TTC7B: variants seen among roughly 807,000 people sequenced by gnomAD.
The protein encoded by TTC7B is tetratricopeptide repeat domain 7B, also known as tetratricopeptide repeat protein 7B.
Under a neutral mutation model 106.8 loss-of-function variants are expected in TTC7B, and 28 were observed. The ratio of observed to expected loss-of-function variants is 0.26; its 90% CI spans 0.19 to 0.36. The LOEUF (loss-of-function observed/expected upper bound fraction) is 0.36. Ranked by LOEUF, TTC7B falls within the 10% of genes least tolerant of loss-of-function variation. The pLI, the probability that TTC7B is intolerant of heterozygous loss-of-function variation, is 1.00. For missense variants in TTC7B, 862 were observed against 1,076.4 expected (o/e 0.80, Z 2.79); for synonymous variants, 405 against 430.6 (o/e 0.94, Z 0.74).
intron 3 of TTC7B, among the ~76,000 whole-genome samples, chr14:90,779,495 G>C (rs1049919306): frequency 6.6e-6 from 1 of 152,120 alleles, no homozygotes; most frequent in African/African-American, 2.4e-5. Flanking sequence ...AGTAGAGACA[G>C]GGTTTCACCA....
In TTC7B at chr14:90,689,594, G is replaced by C; in HGVS notation, c.896C>G (p.Ala299Gly). 1 of 1,614,096 alleles carries C rather than the reference G, an allele frequency of 6.2e-7. No individual in the cohort carries two copies. The highest frequency in any genetic ancestry group is 2.2e-5 in the East Asian group (1 of 44,870). Reference protein sequence around the residue: ...SPLDDPLRKGANTKTYTLTRR... With the variant: ...SPLDDPLRKGGNTKTYTLTRR... ...AGTGAGAGTGTAGGTTTTTGTGTTT[G>C]CTCCTTTGCGGAGAGGATCGTCCAG... is the stretch of plus-strand genomic sequence containing the variant. The change falls in exon 7 of 20, where the codon GCA becomes GGA. Residue 299 changes from alanine (A) to glycine (G), a missense_variant. By Grantham distance (60) the Ala-to-Gly change is moderately conservative (BLOSUM62 0). Transcript: ENST00000328459.
At chr14:90,546,044 C>T (rs1889817328) in intron 19 of TTC7B, among the ~76,000 whole-genome samples, 1 of 152,238 alleles carries the variant, frequency 6.6e-6, no homozygotes, top group African/African-American at 2.4e-5. Flanking sequence ...GCTGCCAGCT[C>T]AGGCTTGGCA....
At chr14:90,716,459 A>G (rs1305170230) in intron 5 of TTC7B, among the ~76,000 whole-genome samples, 1 of 152,246 alleles carries the variant, frequency 6.6e-6, no homozygotes, top group Non-Finnish European at 1.5e-5. Context: ...TGGCCAAGCA[A>G]GGAATCTTTG....
At chr14:90,728,063 T>C (rs188814209) in intron 5 of TTC7B, among the ~76,000 whole-genome samples, 469 of 152,256 alleles carry the variant, frequency 3.1e-3, no homozygotes, top group South Asian at 5.2e-3. Context: ...CCAACGGTTT[T>C]TCTCCTTGGG....
intron 16 of TTC7B, among the ~76,000 whole-genome samples, chr14:90,615,331 G>A (rs114199681): frequency 0.016 from 2,398 of 152,312 alleles, 66 homozygotes; most frequent in African/African-American, 0.055. Context: ...AGCCTGGGGT[G>A]GATCTGGAAG....
At chr14:90,616,772 C>T (rs1018633830) in intron 16 of TTC7B, among the ~76,000 whole-genome samples, 33 of 152,302 alleles carry the variant, frequency 2.2e-4, no homozygotes, top group African/African-American at 7.2e-4. Flanking sequence ...GCCCTCCCTC[C>T]CTGCTGGTCT....
At chr14:90,609,505 A>T (rs776092105) in intron 17 of TTC7B, among the ~76,000 whole-genome samples, 1 of 152,152 alleles carries the variant, frequency 6.6e-6, no homozygotes, top group Non-Finnish European at 1.5e-5. Flanking sequence ...GCCCACCTGG[A>T]TAGGTTTTTC....
intron 1 of TTC7B, among the ~76,000 whole-genome samples, chr14:90,789,917 T>C (rs918335321): frequency 2.0e-5 from 3 of 150,880 alleles, no homozygotes; most frequent in Admixed American, 6.6e-5. Flanking sequence ...AAAAAAATAC[T>C]ATCAGGTCAA....
At position 90,802,335 on chromosome 14, in the gene TTC7B, C is replaced by T. The variant is rs984201302; in HGVS notation, c.121+13840G>A. ...TCTAGGGTGCCTGTGCCCGTGCCTG[C>T]AGAAGGGAAGGGTCAGGAGAGAAGT... is the stretch of plus-strand genomic sequence containing the variant. On this transcript the variant is annotated intron_variant, in intron 1 of 19. Transcript: ENST00000328459. The surrounding 1 kb of genome is among the most constrained non-coding windows in gnomAD (Gnocchi z 4.7). Among the ~76,000 whole-genome samples the T allele has an allele frequency of 3.1e-4, 47 of 152,142 alleles. No individual in the cohort carries two copies. Among genetic ancestry groups the T allele is most frequent in the African/African-American group, 1.0e-3 (43 of 41,506 alleles).
intron 3 of TTC7B, among the ~76,000 whole-genome samples, chr14:90,745,566 T>C (rs1889935594): frequency 6.6e-6 from 1 of 152,214 alleles, no homozygotes; most frequent in Non-Finnish European, 1.5e-5. Flanking sequence ...CTTTTAGTTT[T>C]TAAATGTGGT....
In TTC7B at chr14:90,644,151, T is replaced by A; in HGVS notation, c.1648A>T (p.Asn550Tyr). The A allele has an allele frequency of 1.2e-6, 2 of 1,613,692 alleles. No homozygotes were observed. The highest frequency in any genetic ancestry group is 1.7e-6 in the Non-Finnish European group (2 of 1,179,862). Residue 550 changes from asparagine to tyrosine, a missense_variant, in exon 15 of 20, where the codon AAC becomes TAC. Asn to Tyr is a moderately radical substitution (Grantham distance 143, BLOSUM62 -2). Coordinates refer to ENST00000328459, the MANE Select transcript of TTC7B (RefSeq NM_001010854.2). ...QALQLQGDDA[N>Y]SLHLLALLLS... The stretch of plus-strand genomic sequence containing the variant: ...AGGAGGGCAAGGAGGTGCAGGGAGT[T>A]GGCATCGTCACCTTGAAGCTGAAGA...
intron 18 of TTC7B, among the ~76,000 whole-genome samples, chr14:90,584,960 G>A: frequency 6.6e-6 from 1 of 152,110 alleles, no homozygotes; most frequent in East Asian, 1.9e-4. Context: ...AGCCCTCAAG[G>A]CCTAGAGAGG....
Position 90,621,741 on chromosome 14 carries a change from T to C in TTC7B, c.1752-3696A>G, listed in dbSNP as rs181188963. 6.6e-5 allele frequency among the ~76,000 whole-genome samples: 10 copies of C among 152,332 alleles called. No individual in the cohort carries two copies. The East Asian group carries it at 1.7e-3, about 27-fold the overall frequency. On this transcript the variant is annotated intron_variant, in intron 15 of 19. Transcript: ENST00000328459. ...AGGAACAGAGCGTGCTGCCTTTCCA[T>C]CATTTCCTCAAACCTCAGCTTGTTT...
chr14:90,606,457 C>T (rs908183812), intron 17 of TTC7B, among the ~76,000 whole-genome samples: 4 of 152,150 alleles, frequency 2.6e-5, no homozygotes, highest in Admixed American at 6.5e-5. Flanking sequence ...TTGTTGATAT[C>T]TATCAATTAT....
intron 9 of TTC7B, among the ~76,000 whole-genome samples, chr14:90,673,685 A>G (rs1211051596): frequency 6.6e-6 from 1 of 152,248 alleles, no homozygotes; most frequent in Non-Finnish European, 1.5e-5. Context: ...AGGTAGAAAC[A>G]ACCCACATTT....
intron 5 of TTC7B, among the ~76,000 whole-genome samples, chr14:90,702,364 G>A (rs1199085419): frequency 6.6e-6 from 1 of 151,974 alleles, no homozygotes; most frequent in Non-Finnish European, 1.5e-5. Context: ...CCACCTCATT[G>A]AGTAACTGTA....
intron 1 of TTC7B, 62 bp downstream of exon 1, chr14:90,816,113 G>A: frequency 4.0e-6 from 4 of 990,616 alleles, no homozygotes; most frequent in Non-Finnish European, 4.8e-6. Context: ...GCGCCTCGGG[G>A]GCCCGTTCCC....
At chr14:90,603,416 T>A in intron 17 of TTC7B, 2 of 626,686 alleles carry the variant, frequency 3.2e-6, no homozygotes, top group Admixed American at 3.0e-5. Context: ...ACTGTAAGTC[T>A]GGCTGTCTAG....
intron 19 of TTC7B, among the ~76,000 whole-genome samples, chr14:90,555,437 C>T (rs1039567105): frequency 1.3e-4 from 20 of 152,170 alleles, no homozygotes; most frequent in Admixed American, 1.2e-3. Context: ...GGATGTCTCC[C>T]TCTGGGTGAC....
Sources: gnomAD v4.1 joint callset for allele counts (sites outside exome capture counted in the v4.1 genomes callset) on GRCh38, gnomAD v4.1.1 for gene constraint, Gnocchi (gnomAD v3.1) non-coding constraint, MANE v1.5 for transcripts, NCBI Gene and HGNC (gene_info 2026-07-23, HGNC 2026-07-21) for gene names.